Variants in BICDL1 observed in about 807,000 individuals in gnomAD.
BICDL1 encodes BICD family like cargo adaptor 1, also known as BICD family-like cargo adapter 1.
In BICDL1, 20 loss-of-function variants were observed where a neutral mutation model predicts 76.8. The observed-to-expected ratio is 0.26, with a 90% confidence interval of 0.18 to 0.38. The LOEUF is 0.38. Ranked by LOEUF, BICDL1 falls within the 10% of genes least tolerant of loss-of-function variation. The pLI is 1.00. For synonymous variants in BICDL1, 383 were observed against 337.1 expected (o/e 1.14, Z -1.49); for missense variants, 700 against 798.6 (o/e 0.88, Z 1.49).
chr12:120,016,955 C>T (rs911176385), intron 2 of BICDL1, among the ~76,000 whole-genome samples: 9 of 152,152 alleles, frequency 5.9e-5, no homozygotes, highest in African/African-American at 1.9e-4. Context: ...TGCAGTGGCA[C>T]GATCTCGGCT....
At chr12:120,092,217 G>C in intron 9 of BICDL1, 1 of 985,486 alleles carries the variant, frequency 1.0e-6, no homozygotes, top group South Asian at 4.7e-5. Flanking sequence ...CCTGTCCACA[G>C]GCTTCTCTAT....
chr12:120,092,931 C>T, intron 9 of BICDL1, 69 bp from the exon 10 acceptor site: 2 of 1,490,772 alleles, frequency 1.3e-6, no homozygotes, highest in East Asian at 2.4e-5. Context: ...GTTCCCACCT[C>T]CCTGTCCAGC....
intron 9 of BICDL1, chr12:120,092,056 A>G (rs1875018887): frequency 2.0e-6 from 2 of 985,384 alleles, no homozygotes; most frequent in South Asian, 4.7e-5. Context: ...GAGCAGACAC[A>G]TGTTACATTT....
At chr12:119,998,381 T>C in intron 1 of BICDL1, 140 bp from the exon 2 acceptor site, 1 of 616,028 alleles carries the variant, frequency 1.6e-6, no homozygotes, top group Non-Finnish European at 2.7e-6. Context: ...TAGCTGTGAA[T>C]TCGGCAACTT....
chr12:120,077,998 T>C (rs1873695504), intron 7 of BICDL1, among the ~76,000 whole-genome samples: 1 of 152,212 alleles, frequency 6.6e-6, no homozygotes. Flanking sequence ...TTAGCAGAAC[T>C]GAACATAGGA....
chr12:120,006,055 C>G (rs1350095449), intron 2 of BICDL1, among the ~76,000 whole-genome samples: 1 of 152,140 alleles, frequency 6.6e-6, no homozygotes, highest in Non-Finnish European at 1.5e-5. Context: ...GAGTGCAAAA[C>G]CTATCATTCT....
rs1288207736 is a variant in BICDL1 at position 120,064,819 on chromosome 12, G to A, written c.849G>A (p.Val283=). 6.2e-7 allele frequency: 1 copy of A among 1,613,794 alleles called. No homozygotes were observed. Among genetic ancestry groups the A allele is most frequent in the Admixed American group, 1.7e-5 (1 of 60,012 alleles). Residue 283 remains valine, a synonymous_variant, in exon 4 of 10, where the codon GTG becomes GTA. Transcript: ENST00000548673. ...LEENDLLQGT[V]EELQDRVLIL... ...AAAATGACCTGCTCCAAGGGACCGT[G>A]GAGGAGCTACAGGACCGGGTGCTAA...
chr12:120,091,403 T>C (rs1441634998), intron 9 of BICDL1: 4 of 1,013,538 alleles, frequency 3.9e-6, no homozygotes, highest in Admixed American at 5.2e-5. Flanking sequence ...CTTTGAAAGG[T>C]TGGTTTTTGA....
At chr12:120,068,938 G>T (rs1566257088) in intron 4 of BICDL1, among the ~76,000 whole-genome samples, 2 of 152,130 alleles carry the variant, frequency 1.3e-5, no homozygotes, top group Non-Finnish European at 2.9e-5. Flanking sequence ...GGGTAGAGGG[G>T]GTGAAGTAGC....
intron 7 of BICDL1, among the ~76,000 whole-genome samples, chr12:120,077,262 C>A (rs996577146): frequency 1.1e-4 from 17 of 152,216 alleles, no homozygotes; most frequent in Non-Finnish European, 2.4e-4. Flanking sequence ...AATCCATACC[C>A]AGACCCGAAG....
At chr12:120,085,697 C>T (rs1201651204) in intron 8 of BICDL1, among the ~76,000 whole-genome samples, 1 of 148,530 alleles carries the variant, frequency 6.7e-6, no homozygotes, top group Middle Eastern at 3.4e-3. Flanking sequence ...TTCTTGGAGT[C>T]GCAGAGGTGG....
intron 9 of BICDL1, chr12:120,091,556 T>G: frequency 1.0e-6 from 1 of 984,824 alleles, no homozygotes; most frequent in Non-Finnish European, 1.2e-6. Flanking sequence ...CAGTGCCAGC[T>G]CTGAGGGGCA....
In BICDL1 at chr12:119,990,211, C is replaced by G; in HGVS notation, c.343C>G (p.Arg115Gly). The change falls in exon 1 of 10, where the codon CGG (arginine) becomes GGG (glycine). Residue 115 changes from arginine to glycine, a missense_variant. Physicochemically the swap from Arg to Gly is moderately radical, Grantham distance 125. Around this residue, in one of 3 missense-constraint regions of BICDL1, gnomAD observed 225 missense variants for 199.6 expected, o/e 1.13. Coordinates refer to ENST00000548673, the MANE Select transcript of BICDL1 (RefSeq NM_001367886.1). ...GGAGAAGGATCTGGTGTTGGCGGCC[C>G]GGCTGGGTAAGGCGCTGCTCGAGAG... ...QKEKDLVLAA[R>G]LGKALLERNQ... The G allele has an allele frequency of 6.4e-7, 1 of 1,568,776 alleles. No individual in the cohort carries two copies. The highest frequency in any genetic ancestry group is 8.6e-7 in the Non-Finnish European group (1 of 1,157,652).
intron 5 of BICDL1, 136 bp from the exon 6 acceptor site, chr12:120,072,375 A>G: frequency 1.3e-6 from 1 of 752,974 alleles, no homozygotes; most frequent in Non-Finnish European, 2.2e-6. Flanking sequence ...GTTAAAAAAA[A>G]AACACAGAAC....
Position 120,094,258 on chromosome 12 carries a change from C to A in BICDL1, c.*1097C>A. 2.2e-6 allele frequency: 1 copy of A among 456,804 alleles called. No individual in the cohort carries two copies. Among genetic ancestry groups the A allele is most frequent in the Non-Finnish European group, 4.4e-6 (1 of 226,990 alleles). 28.3% of individuals were successfully genotyped at this position (456,804 alleles called of 1,614,324 possible). On this transcript the variant is annotated 3_prime_UTR_variant, in exon 10 of 10. Coordinates refer to ENST00000548673, the MANE Select transcript of BICDL1 (RefSeq NM_001367886.1). ...AGCCCTCAGCTGCTCACAACCGATT[C>A]AGTCTCCCTCCCTCCCTCACGTGGG...
At chr12:120,054,838 C>A (rs972347810) in intron 2 of BICDL1, among the ~76,000 whole-genome samples, 1 of 152,136 alleles carries the variant, frequency 6.6e-6, no homozygotes, top group African/African-American at 2.4e-5. Context: ...CGAGATCGCA[C>A]GACAGCACTC....
intron 8 of BICDL1, among the ~76,000 whole-genome samples, chr12:120,088,650 C>G (rs1341737960): frequency 6.6e-6 from 1 of 151,730 alleles, no homozygotes; most frequent in South Asian, 2.1e-4. Context: ...AGCCACCGCG[C>G]CTGGCCACAC....
At chr12:120,037,373 A>T (rs1275081562) in intron 2 of BICDL1, among the ~76,000 whole-genome samples, 1 of 152,104 alleles carries the variant, frequency 6.6e-6, no homozygotes, top group African/African-American at 2.4e-5. Context: ...CTGGCATTTA[A>T]ATAAGCCTTG....
rs752555281 is a variant in BICDL1 at position 119,989,868 on chromosome 12, C to T, written c.-1C>T. 1.0e-5 allele frequency: 14 copies of T among 1,401,934 alleles called. 1 individual carries two copies. The South Asian group carries it at 1.6e-4, about 16-fold the overall frequency. The allele number at this position is 1,401,934 out of a possible 1,614,324, so 86.8% of individuals were successfully genotyped here. A position where few individuals can be genotyped will look rare whatever the true frequency, so the allele number is the denominator to read the frequency against. On this transcript the variant is annotated 5_prime_UTR_variant, in exon 1 of 10. Coordinates refer to ENST00000548673, the MANE Select transcript of BICDL1 (RefSeq NM_001367886.1). ...CGCTGCGGGCTCCGCGCGCGCGGGC[C>T]ATGTCCGCTTTCTGCCTGGGCTTGG... is the stretch of plus-strand genomic sequence containing the variant.
Sources: gnomAD v4.1 joint callset for allele counts (sites outside exome capture counted in the v4.1 genomes callset) on GRCh38, gnomAD v4.1.1 for gene constraint, gnomAD v4.1.1 regional missense constraint, MANE v1.5 for transcripts, NCBI Gene and HGNC (gene_info 2026-07-23, HGNC 2026-07-21) for gene names.